Variants in FTO observed in about 807,000 individuals in gnomAD.
FTO encodes FTO alpha-ketoglutarate dependent dioxygenase, also known as alpha-ketoglutarate-dependent dioxygenase FTO.
Under a neutral mutation model 63.9 loss-of-function variants are expected in FTO, and 47 were observed. That is an observed-to-expected ratio of 0.74 (90% CI 0.58 to 0.94). The LOEUF is 0.94. Among genes scored for constraint, FTO ranks in the 40% least tolerant of loss-of-function variants. The pLI, the probability that FTO is intolerant of heterozygous loss-of-function variation, is 0.00. For missense variants in FTO, 562 were observed against 618.1 expected (o/e 0.91, Z 0.96); for synonymous variants, 207 against 224.4 (o/e 0.92, Z 0.69).
chr16:53,830,075 A>G (rs972997035), intron 3 of FTO, among the ~76,000 whole-genome samples: 1 of 152,204 alleles, frequency 6.6e-6, no homozygotes, highest in Non-Finnish European at 1.5e-5. Flanking sequence ...TCCCAGGGAA[A>G]TCTTCTTGTA....
chr16:54,040,065 G>A (rs1194326483), intron 8 of FTO: 7 of 152,126 alleles, frequency 4.6e-5, no homozygotes, highest in Admixed American at 6.5e-5. Flanking sequence ...TGCAAACCTC[G>A]ATTCAAATCA....
At chr16:53,905,131 T>C (rs1263450836) in intron 7 of FTO, among the ~76,000 whole-genome samples, 1 of 152,104 alleles carries the variant, frequency 6.6e-6, no homozygotes, top group Non-Finnish European at 1.5e-5. Flanking sequence ...AGACCACATC[T>C]CTTGCTGTGT....
chr16:54,054,201 C>T (rs2085377043), intron 8 of FTO, among the ~76,000 whole-genome samples: 1 of 152,128 alleles, frequency 6.6e-6, no homozygotes, highest in East Asian at 1.9e-4. Flanking sequence ...CCCAGGTCTG[C>T]GCTGCCACAA....
intron 8 of FTO, among the ~76,000 whole-genome samples, chr16:54,068,483 A>C (rs564151826): frequency 2.0e-4 from 30 of 152,296 alleles, no homozygotes; most frequent in African/African-American, 7.0e-4. Context: ...CTGGCAAGGT[A>C]ACAGTTACCT....
intron 8 of FTO, among the ~76,000 whole-genome samples, chr16:53,975,881 C>A (rs1184592653): frequency 6.6e-6 from 1 of 151,962 alleles, no homozygotes; most frequent in African/African-American, 2.4e-5. Context: ...ATTATAGCAA[C>A]CCTATGAGTA....
At chr16:53,892,967 C>T (rs1345695146) in intron 7 of FTO, among the ~76,000 whole-genome samples, 2 of 152,176 alleles carry the variant, frequency 1.3e-5, no homozygotes, top group Admixed American at 1.3e-4. Flanking sequence ...CTAAAACTCC[C>T]CCATCCTCCA....
intron 7 of FTO, among the ~76,000 whole-genome samples, chr16:53,899,770 C>A (rs948161298): frequency 5.9e-5 from 9 of 152,126 alleles, no homozygotes; most frequent in African/African-American, 2.2e-4. Flanking sequence ...TAGGGGAATA[C>A]AAACCAGGGG....
chr16:53,824,246 G>C (rs1423309186), intron 2 of FTO, among the ~76,000 whole-genome samples: 1 of 152,190 alleles, frequency 6.6e-6, no homozygotes, highest in South Asian at 2.1e-4. Context: ...CTGCCTCCTC[G>C]TAGCATGCCA....
At chr16:53,938,942 A>G (rs1304213269) in intron 8 of FTO, among the ~76,000 whole-genome samples, 1 of 151,828 alleles carries the variant, frequency 6.6e-6, no homozygotes, top group Non-Finnish European at 1.5e-5. Flanking sequence ...ACAAAAAAAA[A>G]AAAAAATTAG....
intron 1 of FTO, among the ~76,000 whole-genome samples, chr16:53,791,537 A>T (rs1195540177): frequency 6.6e-6 from 1 of 152,198 alleles, no homozygotes; most frequent in African/African-American, 2.4e-5. Flanking sequence ...TTACAGCATG[A>T]TGAAATTACA....
chr16:53,769,689 C>A (rs898188405), intron 1 of FTO, among the ~76,000 whole-genome samples: 1 of 151,712 alleles, frequency 6.6e-6, no homozygotes, highest in African/African-American at 2.4e-5. Flanking sequence ...TGCAACGTAC[C>A]CTAACTTGAT....
intron 7 of FTO, among the ~76,000 whole-genome samples, chr16:53,921,996 T>C (rs1334810355): frequency 6.6e-6 from 1 of 152,130 alleles, no homozygotes; most frequent in Non-Finnish European, 1.5e-5. Context: ...CTCTTGGGCA[T>C]TTCACCCTCC....
chr16:54,035,759 T>C (rs2084929969), intron 8 of FTO, among the ~76,000 whole-genome samples: 1 of 152,156 alleles, frequency 6.6e-6, no homozygotes, highest in Non-Finnish European at 1.5e-5. Context: ...ATTCTTCAGG[T>C]TTGTGCTTTT....
At chr16:53,792,086 A>T (rs56358691) in intron 1 of FTO, among the ~76,000 whole-genome samples, 4 of 122,978 alleles carry the variant, frequency 3.3e-5, no homozygotes, top group South Asian at 2.5e-4. Context: ...AAAAAAAAAA[A>T]AAAAAAATAA....
chr16:54,020,709 T>G (rs1010549022), intron 8 of FTO, among the ~76,000 whole-genome samples: 1 of 152,196 alleles, frequency 6.6e-6, no homozygotes, highest in Non-Finnish European at 1.5e-5. Flanking sequence ...TGGTGGCTCA[T>G]GCCTGTAATC....
At chr16:53,914,504 C>T (rs1013471645) in intron 7 of FTO, among the ~76,000 whole-genome samples, 4 of 152,076 alleles carry the variant, frequency 2.6e-5, no homozygotes, top group Non-Finnish European at 5.9e-5. Flanking sequence ...ACATTCCTGC[C>T]TCCTGTCAAG....
chr16:53,760,978 G>A (rs1024372888), intron 1 of FTO, among the ~76,000 whole-genome samples: 1 of 148,944 alleles, frequency 6.7e-6, no homozygotes, highest in Non-Finnish European at 1.5e-5. Context: ...TGTTGTTATT[G>A]TTGTCTCCTT....
At chr16:53,856,189 A>G (rs892977840) in intron 4 of FTO, among the ~76,000 whole-genome samples, 1 of 151,940 alleles carries the variant, frequency 6.6e-6, no homozygotes, top group Non-Finnish European at 1.5e-5. Context: ...GAATGATGCC[A>G]TTATTTTTTT....
At position 53,888,892 on chromosome 16, in the gene FTO, G is replaced by T; in HGVS notation, c.1180G>T (p.Asp394Tyr). 6.2e-7 allele frequency: 1 copy of T among 1,614,062 alleles called. No individual in the cohort carries two copies. Among genetic ancestry groups the T allele is most frequent in the South Asian group, 1.1e-5 (1 of 91,066 alleles). ...AGGCAATCGATACAGAAAGTGCACTGACTGGTGGTGTCAACCCATGGCTCA... is the reference window on the plus strand; with the variant it reads ...AGGCAATCGATACAGAAAGTGCACTTACTGGTGGTGTCAACCCATGGCTCA... ...FQGNRYRKCT[D>Y]WWCQPMAQLE... The change falls in exon 7 of 9, where the codon GAC (aspartate) becomes TAC (tyrosine). Residue 394 changes from aspartate (D) to tyrosine (Y), a missense_variant. Asp to Tyr is a radical substitution (Grantham distance 160, BLOSUM62 -3). Transcript: ENST00000471389.
Sources: allele counts gnomAD v4.1 joint callset (sites outside exome capture counted in the v4.1 genomes callset), GRCh38; gene constraint gnomAD v4.1.1; transcripts MANE v1.5; gene names NCBI Gene and HGNC (gene_info 2026-07-23, HGNC 2026-07-21).